The following ADGRV1 variants were observed in gnomAD, a reference collection of about 807,000 sequenced individuals.
ADGRV1 encodes the protein G-protein coupled receptor 98.
A neutral mutation model predicts 596.2 loss-of-function variants in ADGRV1; 359 were observed. That is an observed-to-expected ratio of 0.60 (90% CI 0.55 to 0.66). The LOEUF (loss-of-function observed/expected upper bound fraction) is 0.66, where lower values mean the gene tolerates loss of function less well. Among genes scored for constraint, ADGRV1 ranks in the 30% least tolerant of loss-of-function variants. The pLI is 0.00. For missense variants in ADGRV1, 7,274 were observed against 7,575.6 expected (o/e 0.96, Z 1.48); for synonymous variants, 2,681 against 2,679.2 (o/e 1.00, Z -0.02).
At chr5:90,665,924 T>G (rs1463603886) in intron 21 of ADGRV1, among the ~76,000 whole-genome samples, 4 of 149,394 alleles carry the variant, frequency 2.7e-5, no homozygotes, top group Non-Finnish European at 3.0e-5. Context: ...TTGAGCGGTT[T>G]TGAGTGAGAT....
chr5:90,584,228 G>A (rs1758448141), intron 1 of ADGRV1, among the ~76,000 whole-genome samples: 1 of 152,160 alleles, frequency 6.6e-6, no homozygotes. Flanking sequence ...ACTGTGACAC[G>A]TAAAATTCAA....
intron 85 of ADGRV1, among the ~76,000 whole-genome samples, chr5:91,070,041 A>G (rs1788244260): frequency 6.6e-6 from 1 of 152,214 alleles, no homozygotes; most frequent in Non-Finnish European, 1.5e-5. Context: ...TTCACTTATA[A>G]GTGGAAGCTA....
chr5:91,026,194 A>G (rs541055956), intron 85 of ADGRV1, among the ~76,000 whole-genome samples: 1 of 152,260 alleles, frequency 6.6e-6, no homozygotes, highest in Non-Finnish European at 1.5e-5. Context: ...GTTAAGCTTT[A>G]TGAAACTTCT....
chr5:90,980,684 A>G (rs1009921435), intron 84 of ADGRV1, among the ~76,000 whole-genome samples: 10 of 152,210 alleles, frequency 6.6e-5, no homozygotes, highest in African/African-American at 2.2e-4. Context: ...AGTTAGCATG[A>G]AGCATATTTA....
In ADGRV1 at chr5:90,797,887, A is replaced by G. The variant is rs1340877775; in HGVS notation, c.14518-4852A>G. Among the ~76,000 whole-genome samples, 5 of 152,236 alleles carry G rather than the reference A, an allele frequency of 3.3e-5. 1 individual carries two copies. The highest frequency in any genetic ancestry group is 3.3e-4 in the Admixed American group (5 of 15,286). On this transcript the variant is annotated intron_variant, in intron 70 of 89. Transcript: ENST00000405460. ...GATATTCTTTGAAACCAATGAGAACAAAGACACAATGTACCAGAATCTCTG... is the reference window on the plus strand; with the variant it reads ...GATATTCTTTGAAACCAATGAGAACGAAGACACAATGTACCAGAATCTCTG...
intron 85 of ADGRV1, among the ~76,000 whole-genome samples, chr5:90,987,843 A>T (rs1780622345): frequency 6.6e-6 from 1 of 152,058 alleles, no homozygotes; most frequent in Non-Finnish European, 1.5e-5. Context: ...AGAGCTAAGA[A>T]TTTTTAAAAA....
chr5:90,965,462 G>C lies in ADGRV1; in HGVS notation c.17904G>C (p.Glu5968Asp). The change falls in exon 84 of 90, where the codon GAG becomes GAC. Residue 5968 changes from glutamate to aspartate, a missense_variant. Coordinates refer to ENST00000405460, the MANE Select transcript of ADGRV1 (RefSeq NM_032119.4). ...ACGCAAGTCCCCAACTCGCTGAGGA[G>C]AGCTGTTCAGCTATGGCTGCTGTCA... is the stretch of plus-strand genomic sequence containing the variant. ...SAYASPQLAE[E>D]SCSAMAAVTH... 1 of 1,613,866 alleles carries C rather than the reference G, an allele frequency of 6.2e-7. No individual in the cohort carries two copies. Among genetic ancestry groups the C allele is most frequent in the South Asian group, 1.1e-5 (1 of 91,072 alleles).
chr5:91,117,683 C>T (rs1792971282), intron 87 of ADGRV1, among the ~76,000 whole-genome samples: 1 of 152,126 alleles, frequency 6.6e-6, no homozygotes, highest in African/African-American at 2.4e-5. Context: ...TCAAATACTA[C>T]ACTGAAAATA....
intron 85 of ADGRV1, among the ~76,000 whole-genome samples, chr5:91,034,093 C>G (rs1784681409): frequency 6.6e-6 from 1 of 151,990 alleles, no homozygotes; most frequent in East Asian, 1.9e-4. Context: ...TCTATAGATA[C>G]TAAATTTTAA....
At chr5:90,880,843 G>A (rs576434233) in intron 83 of ADGRV1, among the ~76,000 whole-genome samples, 8 of 152,228 alleles carry the variant, frequency 5.3e-5, no homozygotes, top group East Asian at 3.9e-4. Flanking sequence ...CTCACCCTTA[G>A]TAGTCTCCCA....
intron 85 of ADGRV1, among the ~76,000 whole-genome samples, chr5:91,024,855 C>G (rs1324407550): frequency 6.6e-6 from 1 of 152,252 alleles, no homozygotes; most frequent in Non-Finnish European, 1.5e-5. Context: ...TAACTTGATG[C>G]AATAGCCTTG....
intron 87 of ADGRV1, among the ~76,000 whole-genome samples, chr5:91,104,581 C>A (rs1302589138): frequency 2.6e-5 from 4 of 152,068 alleles, no homozygotes; most frequent in Non-Finnish European, 4.4e-5. Context: ...TCCCTATCCC[C>A]TTTTTCCCCC....
chr5:90,709,466 T>C (rs1749050291), intron 39 of ADGRV1, among the ~76,000 whole-genome samples: 1 of 152,184 alleles, frequency 6.6e-6, no homozygotes, highest in Admixed American at 6.6e-5. Flanking sequence ...AACTCCTCTT[T>C]CAGTGTGGAC....
chr5:91,160,055 C>T (rs6864663), intron 89 of ADGRV1, among the ~76,000 whole-genome samples: 107,526 of 152,152 alleles, frequency 0.71, 39,052 homozygotes, highest in Non-Finnish European at 0.8. Context: ...GCCCCCTAGC[C>T]TCCTGGTGTT....
intron 28 of ADGRV1, 133 bp downstream of exon 28, chr5:90,684,328 G>T: frequency 1.2e-6 from 1 of 822,504 alleles, no homozygotes. Flanking sequence ...TCTTACAACA[G>T]TTTACCTGTA....
At chr5:90,715,502 G>A (rs1243310130) in intron 42 of ADGRV1, among the ~76,000 whole-genome samples, 2 of 152,196 alleles carry the variant, frequency 1.3e-5, no homozygotes, top group Non-Finnish European at 2.9e-5. Flanking sequence ...AGGAACTGCT[G>A]CAGGTGACTT....
intron 85 of ADGRV1, among the ~76,000 whole-genome samples, chr5:90,996,475 T>A (rs1399426536): frequency 6.6e-6 from 1 of 152,110 alleles, no homozygotes; most frequent in South Asian, 2.1e-4. Context: ...CCAACTAGAT[T>A]TCAGAGGATG....
intron 83 of ADGRV1, among the ~76,000 whole-genome samples, chr5:90,920,336 A>AT (rs1243022741): frequency 6.6e-6 from 1 of 152,218 alleles, no homozygotes; most frequent in African/African-American, 2.4e-5. Flanking sequence ...AAGGCTCCTA[A>AT]TGCCATCGCC....
intron 85 of ADGRV1, among the ~76,000 whole-genome samples, chr5:91,007,723 A>T (rs574172503): frequency 8.5e-5 from 13 of 152,162 alleles, no homozygotes; most frequent in Admixed American, 2.0e-4. Context: ...GTGCATTTTT[A>T]GGATGAAACA....
Sources: allele counts gnomAD v4.1 joint callset (sites outside exome capture counted in the v4.1 genomes callset), GRCh38; gene constraint gnomAD v4.1.1; transcripts MANE v1.5; gene names NCBI Gene and HGNC (gene_info 2026-07-23, HGNC 2026-07-21).